TTC31: variants seen among roughly 807,000 people sequenced by gnomAD.
The protein encoded by TTC31 is tetratricopeptide repeat domain 31, also known as tetratricopeptide repeat protein 31.
TTC31 carries 59 observed loss-of-function variants against 60.4 expected under a neutral mutation model. That is an observed-to-expected ratio of 0.98 (90% CI 0.79 to 1.21). The LOEUF (loss-of-function observed/expected upper bound fraction) is 1.21, where lower values mean the gene tolerates loss of function less well. Ranked by LOEUF, TTC31 falls within the 50% of genes most tolerant of loss-of-function variation. TTC31 has a pLI of 0.00. For synonymous variants in TTC31, 225 were observed against 249.6 expected (o/e 0.90, Z 0.93); for missense variants, 672 against 646.9 (o/e 1.04, Z -0.42).
At chr2:74,491,441 T>G (rs1297554737) in intron 7 of TTC31, 40 bp from the exon 8 acceptor site, 1 of 1,613,458 alleles carries the variant, frequency 6.2e-7, no homozygotes, top group East Asian at 2.2e-5. Context: ...AGAATGTACT[T>G]CATCCCCACC....
chr2:74,483,185 C>T, intron 1 of TTC31, 50 bp downstream of exon 1: 1 of 1,613,934 alleles, frequency 6.2e-7, no homozygotes, highest in Non-Finnish European at 8.5e-7. Flanking sequence ...AGAGGCAGCC[C>T]CTCTTGGGTC....
At position 74,492,409 on chromosome 2, in the gene TTC31, C is replaced by A; in HGVS notation, c.1125C>A (p.Gly375=). 6.6e-7 allele frequency: 1 copy of A among 1,523,542 alleles called. No homozygotes were observed. Among genetic ancestry groups the A allele is most frequent in the Non-Finnish European group, 8.8e-7 (1 of 1,136,902 alleles). The allele number at this position is 1,523,542 out of a possible 1,614,324, so 94.4% of individuals were successfully genotyped here. A position where few individuals can be genotyped will look rare whatever the true frequency, so the allele number is the denominator to read the frequency against. The change falls in exon 11 of 13, where the codon GGC becomes GGA. Residue 375 remains glycine, a synonymous_variant. Transcript: ENST00000233623. ...CCCTACGGCCTGGCTGGCCCCGGGGCCTCTTCCGCCTGGGCAAGGCCTTGA... is the reference window on the plus strand; with the variant it reads ...CCCTACGGCCTGGCTGGCCCCGGGGACTCTTCCGCCTGGGCAAGGCCTTGA... ...ALTLRPGWPR[G]LFRLGKALMG...
Position 74,494,288 on chromosome 2 carries a change from TCTC to T in TTC31, c.*1073_*1075del, listed in dbSNP as rs1674244487. 6.6e-6 allele frequency: 1 copy of T among 152,202 alleles called. No individual in the cohort carries two copies. The highest frequency in any genetic ancestry group is 1.5e-5 in the Non-Finnish European group (1 of 68,040). The allele number at this position is 152,202 out of a possible 1,614,324, so 9.4% of individuals were successfully genotyped here. A position where few individuals can be genotyped will look rare whatever the true frequency, so the allele number is the denominator to read the frequency against. On this transcript the variant is annotated 3_prime_UTR_variant, in exon 13 of 13. Transcript: ENST00000233623. Reference sequence around the variant, plus strand: ...CCTGGAGAGAGAAGGTATTGAAACATCTCCTTTATGTGTGACTTTCCCAAATTT... The same window carrying T: ...CCTGGAGAGAGAAGGTATTGAAACATCTTTATGTGTGACTTTCCCAAATTT...
rs1264548235 is a variant in TTC31, at chr2:74,483,335, G to T, written c.54G>T (p.Arg18=). 1 of 1,614,186 alleles carries T rather than the reference G, an allele frequency of 6.2e-7. No homozygotes were observed. The change falls in exon 2 of 13, where the codon CGG becomes CGT. Residue 18 remains arginine (R), a synonymous_variant. Transcript: ENST00000233623. Reference sequence around the variant, plus strand: ...CCTTTCCTGTAGACTGCTCTCTACGGCCCAGCTGCCCACTGGAGGTCGCTG... The same window carrying T: ...CCTTTCCTGTAGACTGCTCTCTACGTCCCAGCTGCCCACTGGAGGTCGCTG... The part of the protein sequence containing the change: ...VGRIKLDCSL[R]PSCPLEVAAA...
chr2:74,485,993 C>T (rs1032068157), intron 2 of TTC31, among the ~76,000 whole-genome samples: 12 of 151,944 alleles, frequency 7.9e-5, no homozygotes, highest in Non-Finnish European at 1.6e-4. Context: ...CACGGCCAGG[C>T]GCAGTGGCTC....
chr2:74,491,295 G>T lies in TTC31; in HGVS notation c.604G>T (p.Ala202Ser), dbSNP rs1309849895. ...RLEQYCGEPK[A>S]STTSDGDESP... is the part of the protein sequence containing the mutation. ...CTGTACCTGTCTATCTTTCTTCCAG[G>T]CCAGCACTACCTCAGATGGAGATGA... Residue 202 changes from alanine to serine, a missense_variant and splice_region_variant, in exon 7 of 13, where the codon GCC (alanine) becomes TCC (serine). Transcript: ENST00000233623. The T allele has an allele frequency of 1.2e-6, 2 of 1,614,024 alleles. No individual in the cohort carries two copies. The highest frequency in any genetic ancestry group is 2.7e-5 in the African/African-American group (2 of 74,912).
chr2:74,485,044 T>TTTTTA (rs1672930825), intron 2 of TTC31, among the ~76,000 whole-genome samples: 1 of 148,646 alleles, frequency 6.7e-6, no homozygotes, highest in African/African-American at 2.5e-5. Flanking sequence ...TTTTTTTTTT[T>TTTTTA]GAGACAGAGT....
intron 2 of TTC31, among the ~76,000 whole-genome samples, chr2:74,485,914 T>G (rs1465279153): frequency 1.3e-5 from 2 of 152,034 alleles, no homozygotes; most frequent in Non-Finnish European, 2.9e-5. Flanking sequence ...GTCTCAGCAC[T>G]ATTTCATTTG....
rs867173724 is a variant in TTC31, at chr2:74,484,135, A to G, written c.129+725A>G. Reference sequence around the variant, plus strand: ...GCCTGTAATCCCAGTCACTGGGGTTACTGAGGCAGGAGAATCGCTTGAACC... The same window carrying G: ...GCCTGTAATCCCAGTCACTGGGGTTGCTGAGGCAGGAGAATCGCTTGAACC... On this transcript the variant is annotated intron_variant, in intron 2 of 12. Transcript: ENST00000233623. Among the ~76,000 whole-genome samples, 4 of 150,784 alleles carry G rather than the reference A, an allele frequency of 2.7e-5. No homozygotes were observed. The South Asian group carries it at 8.5e-4, about 32-fold the overall frequency.
chr2:74,491,809 AG>A, intron 8 of TTC31, 137 bp downstream of exon 8: 1 of 1,376,214 alleles, frequency 7.3e-7, no homozygotes. Flanking sequence ...ACCTACAGTC[AG>A]GCCCCATCAC....
chr2:74,492,600 C>G, intron 11 of TTC31, 46 bp from the exon 12 acceptor site: 2 of 1,603,116 alleles, frequency 1.2e-6, no homozygotes, highest in Non-Finnish European at 8.5e-7. Flanking sequence ...TACTTTTAAG[C>G]ACCTTGACAC....
At chr2:74,484,641 TAG>T (rs1672870584) in intron 2 of TTC31, among the ~76,000 whole-genome samples, 1 of 152,010 alleles carries the variant, frequency 6.6e-6, no homozygotes. Context: ...GTATTTTTAG[TAG>T]AGACTGGGTT....
Position 74,493,239 on chromosome 2 carries a change from G to C in TTC31, c.*21G>C, listed in dbSNP as rs545843734. ...GATGAGGGGGCACCGGTCCCTCATAGGGCAGGGCCATGTATATATCCCTTG... is the reference window on the plus strand; with the variant it reads ...GATGAGGGGGCACCGGTCCCTCATACGGCAGGGCCATGTATATATCCCTTG... On this transcript the variant is annotated 3_prime_UTR_variant, in exon 13 of 13. Coordinates refer to ENST00000233623, the MANE Select transcript of TTC31 (RefSeq NM_022492.6). 1 of 1,611,816 alleles carries C rather than the reference G, an allele frequency of 6.2e-7. No individual in the cohort carries two copies. Among genetic ancestry groups the C allele is most frequent in the South Asian group, 1.1e-5 (1 of 91,006 alleles).
chr2:74,492,003 G>T lies in TTC31; in HGVS notation c.877-1G>T, dbSNP rs771221039. The T allele has an allele frequency of 2.5e-6, 4 of 1,614,226 alleles. No homozygotes were observed. The South Asian group carries it at 3.3e-5, about 13-fold the overall frequency. On this transcript the variant is annotated splice_acceptor_variant, in intron 8 of 12. Transcript: ENST00000233623. LOFTEE classifies it high-confidence loss of function. Reference sequence around the variant, plus strand: ...TGCTTGACTTTGCACCCTATCCCCAGGCATCTCCGGGACTGCTGGCAGCTG... The same window carrying T: ...TGCTTGACTTTGCACCCTATCCCCATGCATCTCCGGGACTGCTGGCAGCTG...
rs992565345 is a variant in TTC31, at chr2:74,493,250, T to C, written c.*32T>C. The C allele has an allele frequency of 5.1e-5, 82 of 1,606,604 alleles. No individual in the cohort carries two copies. Among genetic ancestry groups the C allele is most frequent in the Middle Eastern group, 1.7e-4 (1 of 6,058 alleles). ...ACCGGTCCCTCATAGGGCAGGGCCATGTATATATCCCTTGGTGGGGGACAT... is the reference window on the plus strand; with the variant it reads ...ACCGGTCCCTCATAGGGCAGGGCCACGTATATATCCCTTGGTGGGGGACAT... On this transcript the variant is annotated 3_prime_UTR_variant, in exon 13 of 13. Coordinates refer to ENST00000233623, the MANE Select transcript of TTC31 (RefSeq NM_022492.6).
Position 74,493,251 on chromosome 2 carries a change from G to A in TTC31, c.*33G>A, listed in dbSNP as rs1288763078. 1.9e-6 allele frequency: 3 copies of A among 1,603,124 alleles called. No individual in the cohort carries two copies. Among genetic ancestry groups the A allele is most frequent in the Non-Finnish European group, 2.6e-6 (3 of 1,171,936 alleles). ...CCGGTCCCTCATAGGGCAGGGCCAT[G>A]TATATATCCCTTGGTGGGGGACATA... On this transcript the variant is annotated 3_prime_UTR_variant, in exon 13 of 13. Transcript: ENST00000233623.
chr2:74,491,542 C>T lies in TTC31; in HGVS notation c.746C>T (p.Pro249Leu), dbSNP rs1673889020. 7 of 1,613,958 alleles carry T rather than the reference C, an allele frequency of 4.3e-6. No individual in the cohort carries two copies. Among genetic ancestry groups the T allele is most frequent in the Non-Finnish European group, 5.9e-6 (7 of 1,180,016 alleles). Residue 249 changes from proline (P) to leucine (L), a missense_variant, in exon 8 of 13, where the codon CCC (proline) becomes CTC (leucine). By Grantham distance (98) the Pro-to-Leu change is moderately conservative. Transcript: ENST00000233623. ...SLALRKVGDW[P>L]LSARREKGLN... ...GCTTTGCGCAAGGTTGGGGATTGGC[C>T]CCTCAGTGCCCGCAGAGAGAAGGGA...
rs758194707 is a variant in TTC31 at position 74,491,376 on chromosome 2, G to C, written c.684+1G>C. The C allele has an allele frequency of 1.2e-6, 2 of 1,614,170 alleles. No individual in the cohort carries two copies. Among genetic ancestry groups the C allele is most frequent in the East Asian group, 4.5e-5 (2 of 44,886 alleles). On this transcript the variant is annotated splice_donor_variant, in intron 7 of 12. Transcript: ENST00000233623. LOFTEE classifies it high-confidence loss of function. ...TCAGGGACAGTGTGGTGAAGAAGAG[G>C]TGAGAGCCCCTTTTTTCCCTTCTTG...
In TTC31 at chr2:74,491,758, C is replaced by T. The variant is rs569783279; in HGVS notation, c.876+86C>T. ...GGGAGGCACAGGGTCTAAGGATTGA[C>T]ACAGGGTCCAGTGGGAGTTCTCTGG... On this transcript the variant is annotated intron_variant, in intron 8 of 12. Coordinates refer to ENST00000233623, the MANE Select transcript of TTC31 (RefSeq NM_022492.6). 9.2e-4 allele frequency: 1,394 copies of T among 1,514,540 alleles called. 4 individuals are homozygous for T. The highest frequency in any genetic ancestry group is 8.2e-4 in the Non-Finnish European group (911 of 1,110,666). The allele number at this position is 1,514,540 out of a possible 1,614,324, so 93.8% of individuals were successfully genotyped here. A position where few individuals can be genotyped will look rare whatever the true frequency, so the allele number is the denominator to read the frequency against.
Sources: gnomAD v4.1 joint callset for allele counts (sites outside exome capture counted in the v4.1 genomes callset) on GRCh38, gnomAD v4.1.1 for gene constraint, MANE v1.5 for transcripts, NCBI Gene and HGNC (gene_info 2026-07-23, HGNC 2026-07-21) for gene names.